CCDC30: variants seen among roughly 807,000 people sequenced by gnomAD.
The protein encoded by CCDC30 is coiled-coil domain containing 30.
Under a neutral mutation model 100.2 loss-of-function variants are expected in CCDC30, and 70 were observed. The observed-to-expected ratio is 0.70, with a 90% CI of 0.58 to 0.85. The LOEUF (loss-of-function observed/expected upper bound fraction) is 0.85, where lower values mean the gene tolerates loss of function less well. Among genes scored for constraint, CCDC30 ranks in the 40% least tolerant of loss-of-function variants. The probability of loss-of-function intolerance (pLI) is 0.00; values close to 1 mark genes in which losing one functional copy is unlikely to be tolerated. For synonymous variants in CCDC30, 233 were observed against 269.5 expected, an observed-to-expected ratio of 0.86 and a Z score of 1.33; for missense variants, 652 against 771.2, an observed-to-expected ratio of 0.85 and a Z score of 1.83.
intron 6 of CCDC30, among the ~76,000 whole-genome samples, chr1:42,529,141 T>C (rs1411904437): frequency 6.6e-6 from 1 of 152,208 alleles, no homozygotes; most frequent in African/African-American, 2.4e-5. Context: ...ACTGTAAATA[T>C]TTCTTCTTTT....
At chr1:42,564,122 A>G (rs779999677) in intron 6 of CCDC30, among the ~76,000 whole-genome samples, 3 of 152,180 alleles carry the variant, frequency 2.0e-5, no homozygotes, top group African/African-American at 7.2e-5. Context: ...AGCATACTGG[A>G]CCAGGACTAA....
Position 42,589,588 on chromosome 1 carries a change from G to T in CCDC30, c.1164+105G>T, listed in dbSNP as rs555104767. Reference sequence around the variant, plus strand: ...TTACTAAACCTAATCCTTTAGTCAGGGTTCAGTCAGGAAAGTAGAATCTAC... The same window carrying T: ...TTACTAAACCTAATCCTTTAGTCAGTGTTCAGTCAGGAAAGTAGAATCTAC... On this transcript the variant is annotated intron_variant, in intron 10 of 16. Transcript: ENST00000668663. The T allele has an allele frequency of 1.0e-5, 10 of 964,372 alleles. No homozygotes were observed. The South Asian group carries it at 1.1e-4, about 11-fold the overall frequency. The allele number at this position is 964,372 out of a possible 1,614,324, so 59.7% of individuals were successfully genotyped here. A position where few individuals can be genotyped will look rare whatever the true frequency, so the allele number is the denominator to read the frequency against.
intron 11 of CCDC30, among the ~76,000 whole-genome samples, chr1:42,622,633 T>A (rs181353888): frequency 6.6e-6 from 1 of 152,170 alleles, no homozygotes; most frequent in Non-Finnish European, 1.5e-5. Flanking sequence ...CCACCGCACC[T>A]GGCTTTTTTT....
chr1:42,591,418 C>T (rs989015982), intron 10 of CCDC30: 1 of 152,550 alleles, frequency 6.6e-6, no homozygotes, highest in Non-Finnish European at 1.5e-5. Flanking sequence ...GCTCAAAGGA[C>T]CCCAGATACA....
At chr1:42,544,907 A>G (rs934260897) in intron 6 of CCDC30, among the ~76,000 whole-genome samples, 10 of 152,200 alleles carry the variant, frequency 6.6e-5, no homozygotes, top group Non-Finnish European at 1.2e-4. Flanking sequence ...TATATCTAAT[A>G]TTCTTATAGA....
chr1:42,517,018 A>G (rs766890150), intron 6 of CCDC30, among the ~76,000 whole-genome samples: 14 of 152,180 alleles, frequency 9.2e-5, no homozygotes, highest in African/African-American at 3.4e-4. Flanking sequence ...AATATTCCTT[A>G]TCAGATACAT....
chr1:42,585,218 G>A (rs1434817518), intron 9 of CCDC30, among the ~76,000 whole-genome samples: 2 of 152,054 alleles, frequency 1.3e-5, no homozygotes, highest in South Asian at 2.1e-4. Context: ...TAATGTCCAT[G>A]GAGTTAGTAG....
chr1:42,545,512 C>G (rs1645110760), intron 6 of CCDC30: 1 of 1,606,494 alleles, frequency 6.2e-7, no homozygotes, highest in African/African-American at 1.3e-5. Flanking sequence ...CTGTAAAGAT[C>G]CTGAATCTAA....
exon 16 of CCDC30, chr1:42,653,394 A>C: frequency 6.2e-7 from 1 of 1,605,510 alleles, no homozygotes; most frequent in Non-Finnish European, 8.5e-7. Context: ...AATTAGTGAC[A>C]TCCTTGAATC....
At chr1:42,529,535 G>C (rs1644775800) in intron 6 of CCDC30, 1 of 152,114 alleles carries the variant, frequency 6.6e-6, no homozygotes, top group African/African-American at 2.4e-5. Context: ...AGAGTTAAAT[G>C]ACCTTCTAAA....
At chr1:42,607,605 G>A (rs1459629424) in intron 10 of CCDC30, among the ~76,000 whole-genome samples, 1 of 151,086 alleles carries the variant, frequency 6.6e-6, no homozygotes, top group Non-Finnish European at 1.5e-5. Flanking sequence ...TGAGGAAATA[G>A]GATATCTGCT....
chr1:42,461,825 G>A (rs1169543331), upstream of CCDC30, among the ~76,000 whole-genome samples: 5 of 152,080 alleles, frequency 3.3e-5, no homozygotes, highest in Admixed American at 2.0e-4. Context: ...CATTACAAGC[G>A]TGAGCCACCG....
At chr1:42,613,879 C>T (rs1022346660) in intron 11 of CCDC30, among the ~76,000 whole-genome samples, 16 of 152,092 alleles carry the variant, frequency 1.1e-4, no homozygotes, top group African/African-American at 3.9e-4. Context: ...GAATGCCTAA[C>T]TCATGGGAAT....
At chr1:42,544,714 C>T (rs1645087185) in intron 6 of CCDC30, among the ~76,000 whole-genome samples, 2 of 151,952 alleles carry the variant, frequency 1.3e-5, no homozygotes, top group South Asian at 4.1e-4. Context: ...TCCATGTTGC[C>T]CAGGCTGGTC....
intron 1 of CCDC30, among the ~76,000 whole-genome samples, chr1:42,479,395 T>G (rs1158105159): frequency 1.3e-5 from 2 of 151,958 alleles, no homozygotes; most frequent in Non-Finnish European, 2.9e-5. Context: ...AAATGCATTC[T>G]TGGCATTCAG....
chr1:42,583,261 G>A (rs1198059667), intron 9 of CCDC30, among the ~76,000 whole-genome samples: 2 of 152,092 alleles, frequency 1.3e-5, no homozygotes, highest in Non-Finnish European at 2.9e-5. Flanking sequence ...CCATAAATTT[G>A]ATGTTTGTTC....
In CCDC30 at chr1:42,576,910, A is replaced by G; in HGVS notation, c.637-110A>G. Reference sequence around the variant, plus strand: ...CTAAAGAGGTACTCAGCCATGTGACATTGGTATTTGTTGGCTTTTAGGGGA... The same window carrying G: ...CTAAAGAGGTACTCAGCCATGTGACGTTGGTATTTGTTGGCTTTTAGGGGA... On this transcript the variant is annotated intron_variant, in intron 7 of 16. Transcript: ENST00000668663. 9.6e-6 allele frequency: 7 copies of G among 726,334 alleles called. No individual in the cohort carries two copies. In the South Asian group the frequency reaches 1.3e-4, roughly 14 times the overall value. 45.0% of individuals were successfully genotyped at this position (726,334 alleles called of 1,614,324 possible).
At chr1:42,520,978 C>CT (rs35261350) in intron 6 of CCDC30, among the ~76,000 whole-genome samples, 58,446 of 133,176 alleles carry the variant, frequency 0.44, 13,770 homozygotes, top group South Asian at 0.61. Context: ...TTTCTTTTTT[C>CT]TTTTTTTTTT....
At chr1:42,536,083 AC>A (rs1644899432) in intron 6 of CCDC30, among the ~76,000 whole-genome samples, 1 of 152,064 alleles carries the variant, frequency 6.6e-6, no homozygotes, top group Non-Finnish European at 1.5e-5. Flanking sequence ...CATCTAACAT[AC>A]TTACCATAGT....
Sources: allele counts gnomAD v4.1 joint callset (sites outside exome capture counted in the v4.1 genomes callset), GRCh38; gene constraint gnomAD v4.1.1; transcripts MANE v1.5; gene names NCBI Gene and HGNC (gene_info 2026-07-23, HGNC 2026-07-21).